EXTL2: variants seen among roughly 807,000 people sequenced by gnomAD.
EXTL2 encodes exostosin-like 2.
In EXTL2, 23 loss-of-function variants were observed where a neutral mutation model predicts 30.7. That is an observed-to-expected ratio of 0.75 (90% confidence interval 0.54 to 1.06). The LOEUF is 1.06. Among genes scored for constraint, EXTL2 ranks in the 50% least tolerant of loss-of-function variants. The probability of loss-of-function intolerance (pLI) is 0.00; values close to 1 mark genes in which losing one functional copy is unlikely to be tolerated. For missense variants in EXTL2, 352 were observed against 396.3 expected (o/e 0.89, Z 0.95); for synonymous variants, 123 against 133.8 (o/e 0.92, Z 0.56).
At chr1:100,881,540 T>C (rs1649557832) in intron 2 of EXTL2, among the ~76,000 whole-genome samples, 1 of 152,260 alleles carries the variant, frequency 6.6e-6, no homozygotes, top group Admixed American at 6.5e-5. Flanking sequence ...TTTCATTTTT[T>C]AAGTTATGTC....
At position 100,888,858 on chromosome 1, in the gene EXTL2, G is replaced by A. The variant is rs1650186344; in HGVS notation, c.-71-30C>T. 6 of 816,366 alleles carry A rather than the reference G, an allele frequency of 7.3e-6. No individual in the cohort carries two copies. In the South Asian group the frequency reaches 8.4e-5, roughly 11 times the overall value. 50.6% of individuals were successfully genotyped at this position (816,366 alleles called of 1,614,324 possible). A position where few individuals can be genotyped will look rare whatever the true frequency, so the allele number is the denominator to read the frequency against. ...TAAGATAAATCAAAGAATTTTCTGT[G>A]ATGTTTCTGTCAGTCAGCAGGAAAT... On this transcript the variant is annotated intron_variant, in intron 1 of 4. Coordinates refer to ENST00000370114, the MANE Select transcript of EXTL2 (RefSeq NM_001033025.3).
At position 100,873,863 on chromosome 1, in the gene EXTL2, T is replaced by C; in HGVS notation, c.*79A>G. The C allele has an allele frequency of 7.1e-7, 1 of 1,408,580 alleles. No individual in the cohort carries two copies. The highest frequency in any genetic ancestry group is 2.3e-5 in the East Asian group (1 of 43,076). 87.3% of individuals were successfully genotyped at this position (1,408,580 alleles called of 1,614,324 possible). Reference sequence around the variant, plus strand: ...TCTGGAGTAGATAAAATTCATGATGTTGCTTAAAAAAATACATAGCATGGA... The same window carrying C: ...TCTGGAGTAGATAAAATTCATGATGCTGCTTAAAAAAATACATAGCATGGA... On this transcript the variant is annotated 3_prime_UTR_variant, in exon 5 of 5. Transcript: ENST00000370114.
chr1:100,885,317 G>A (rs975918228), intron 2 of EXTL2, among the ~76,000 whole-genome samples: 1 of 152,158 alleles, frequency 6.6e-6, no homozygotes, highest in Non-Finnish European at 1.5e-5. Flanking sequence ...TTGCCTTGGG[G>A]GGAAAGCATC....
chr1:100,881,027 A>T, intron 2 of EXTL2: 1 of 984,518 alleles, frequency 1.0e-6, no homozygotes, highest in Non-Finnish European at 1.2e-6. Context: ...TTCCTTTCAG[A>T]TAGCTCCTAA....
intron 2 of EXTL2, among the ~76,000 whole-genome samples, chr1:100,880,043 C>T (rs1379494633): frequency 6.6e-6 from 1 of 151,980 alleles, no homozygotes; most frequent in Non-Finnish European, 1.5e-5. Flanking sequence ...GGGTTAGTAA[C>T]CATCATATTC....
In EXTL2 at chr1:100,877,739, G is replaced by T; in HGVS notation, c.170C>A (p.Ser57Tyr). Residue 57 changes from serine to tyrosine, a missense_variant, in exon 3 of 5, where the codon TCC (serine) becomes TAC (tyrosine). Ser to Tyr is a moderately radical substitution (Grantham distance 144). Coordinates refer to ENST00000370114, the MANE Select transcript of EXTL2 (RefSeq NM_001033025.3). This position sits in a 1 kb window ranked among gnomAD's most constrained non-coding sequence, Gnocchi z 4.1. ...GGAGTCCATGGTGGACTTGCCCTGGGATTTTATTTCCCTACGCAACATGAG... is the reference window on the plus strand; with the variant it reads ...GGAGTCCATGGTGGACTTGCCCTGGTATTTTATTTCCCTACGCAACATGAG... ...KMLMLRREIK[S>Y]QGKSTMDSFT... The T allele has an allele frequency of 6.2e-7, 1 of 1,613,462 alleles. No homozygotes were observed. Among genetic ancestry groups the T allele is most frequent in the Non-Finnish European group, 8.5e-7 (1 of 1,179,688 alleles).
chr1:100,874,325 T>G lies in EXTL2; in HGVS notation c.610A>C (p.Asn204His). Residue 204 changes from asparagine to histidine, a missense_variant, in exon 5 of 5, where the codon AAT becomes CAT. Transcript: ENST00000370114. Reference sequence around the variant, plus strand: ...AGCACCATAGAGTACTGGTCACCATTTCCAGACCCTGGTGCTTGCATTTCA... The same window carrying G: ...AGCACCATAGAGTACTGGTCACCATGTCCAGACCCTGGTGCTTGCATTTCA... ...SFEMQAPGSG[N>H]GDQYSMVLIG... 6.2e-7 allele frequency: 1 copy of G among 1,612,938 alleles called. No homozygotes were observed. The highest frequency in any genetic ancestry group is 1.7e-5 in the Admixed American group (1 of 59,840).
At chr1:100,887,900 C>T (rs1266574745) in intron 2 of EXTL2, among the ~76,000 whole-genome samples, 1 of 152,116 alleles carries the variant, frequency 6.6e-6, no homozygotes, top group Non-Finnish European at 1.5e-5. Context: ...GGGGTTTCAC[C>T]GTATTAGCCA....
chr1:100,887,676 C>A (rs1650070658), intron 2 of EXTL2, among the ~76,000 whole-genome samples: 1 of 152,136 alleles, frequency 6.6e-6, no homozygotes, highest in Non-Finnish European at 1.5e-5. Context: ...AAACTCTCGA[C>A]TCTCTCACTT....
intron 2 of EXTL2, 163 bp downstream of exon 2, chr1:100,888,590 T>A: frequency 2.4e-6 from 1 of 417,454 alleles, no homozygotes; most frequent in Non-Finnish European, 4.4e-6. Flanking sequence ...GGGTATAAAG[T>A]TTCAGTTTTG....
At position 100,877,668 on chromosome 1, in the gene EXTL2, T is replaced by C. The variant is rs1166244173; in HGVS notation, c.241A>G (p.Lys81Glu). 1 of 1,613,632 alleles carries C rather than the reference T, an allele frequency of 6.2e-7. No individual in the cohort carries two copies. Among genetic ancestry groups the C allele is most frequent in the Admixed American group, 1.7e-5 (1 of 59,924 alleles). ...ACAGCCTGATAATGATTTAAAAGTTTCAATAAGAGATCTGTTCTGTTGTAC... is the reference window on the plus strand; with the variant it reads ...ACAGCCTGATAATGATTTAAAAGTTCCAATAAGAGATCTGTTCTGTTGTAC... ...QTYNRTDLLL[K>E]LLNHYQAVPN... The change falls in exon 3 of 5, where the codon AAA becomes GAA. Residue 81 changes from lysine to glutamate, a missense_variant. By Grantham distance (56) the Lys-to-Glu change is moderately conservative. Coordinates refer to ENST00000370114, the MANE Select transcript of EXTL2 (RefSeq NM_001033025.3). This position sits in a 1 kb window ranked among gnomAD's most constrained non-coding sequence, Gnocchi z 4.1.
intron 1 of EXTL2, among the ~76,000 whole-genome samples, chr1:100,890,214 C>A (rs1303102132): frequency 6.6e-6 from 1 of 152,242 alleles, no homozygotes; most frequent in African/African-American, 2.4e-5. Flanking sequence ...GGGCTTGCAT[C>A]CTCTGAAACA....
chr1:100,874,745 G>A (rs1648968358), intron 4 of EXTL2, among the ~76,000 whole-genome samples: 1 of 152,014 alleles, frequency 6.6e-6, no homozygotes, highest in Non-Finnish European at 1.5e-5. Flanking sequence ...TTCAAAATGT[G>A]CTGCGAGAAA....
intron 2 of EXTL2, among the ~76,000 whole-genome samples, chr1:100,884,589 T>C (rs1466689999): frequency 6.6e-6 from 1 of 152,208 alleles, no homozygotes; most frequent in Non-Finnish European, 1.5e-5. Context: ...TTCCCCTCAA[T>C]GGTACCTACA....
At chr1:100,880,866 G>T in intron 2 of EXTL2, 1 of 668,918 alleles carries the variant, frequency 1.5e-6, no homozygotes, top group Non-Finnish European at 1.8e-6. Context: ...CTAATAACTT[G>T]CTATCTAGCA....
chr1:100,889,353 CACA>C (rs1351831956), intron 1 of EXTL2, among the ~76,000 whole-genome samples: 5 of 152,172 alleles, frequency 3.3e-5, no homozygotes, highest in Non-Finnish European at 5.9e-5. Flanking sequence ...GGGTCCATCC[CACA>C]ACAAGTGGGG....
intron 2 of EXTL2, chr1:100,878,311 A>G (rs2100925332): frequency 2.4e-6 from 1 of 421,782 alleles, no homozygotes; most frequent in East Asian, 7.4e-5. Context: ...GAGCCATAAT[A>G]CATGAGGCAG....
intron 2 of EXTL2, among the ~76,000 whole-genome samples, chr1:100,882,192 C>T (rs1010244247): frequency 2.0e-5 from 3 of 152,144 alleles, no homozygotes; most frequent in Non-Finnish European, 4.4e-5. Context: ...CAAGGGTTTT[C>T]AACTAGAGAT....
At chr1:100,884,936 G>T (rs1181707067) in intron 2 of EXTL2, among the ~76,000 whole-genome samples, 1 of 152,104 alleles carries the variant, frequency 6.6e-6, no homozygotes, top group African/African-American at 2.4e-5. Context: ...CACTATAGTT[G>T]AATTAAATGA....
Sources: allele counts gnomAD v4.1 joint callset (sites outside exome capture counted in the v4.1 genomes callset), GRCh38; gene constraint gnomAD v4.1.1; non-coding constraint Gnocchi (gnomAD v3.1); transcripts MANE v1.5; gene names NCBI Gene and HGNC (gene_info 2026-07-23, HGNC 2026-07-21).